Variants in CDC123 observed in about 807,000 individuals in gnomAD.
The protein encoded by CDC123 is translation initiation factor eIF2 assembly protein.
CDC123 carries 37 observed loss-of-function variants against 54.4 expected under a neutral mutation model. The ratio of observed to expected loss-of-function variants is 0.68; its 90% CI spans 0.52 to 0.89. CDC123 has a LOEUF of 0.89. Among genes scored for constraint, CDC123 ranks in the 40% least tolerant of loss-of-function variants. The probability of loss-of-function intolerance (pLI) is 0.00; values close to 1 mark genes in which losing one functional copy is unlikely to be tolerated. For missense variants in CDC123, 361 were observed against 412.1 expected (o/e 0.88, Z 1.07); for synonymous variants, 144 against 136.8 (o/e 1.05, Z -0.37).
intron 2 of CDC123, among the ~76,000 whole-genome samples, chr10:12,200,145 A>ATTTTTTTTG: frequency 1.6e-4 from 1 of 6,232 alleles, no homozygotes. Flanking sequence ...TTTTTTTTTA[A>ATTTTTTTTG]AGATGGAGTC....
At chr10:12,232,788 C>T (rs1037776438) in intron 7 of CDC123, among the ~76,000 whole-genome samples, 56 of 148,262 alleles carry the variant, frequency 3.8e-4, no homozygotes, top group Non-Finnish European at 6.9e-4. Context: ...CCTTACCTTT[C>T]TTTTTTTTTT....
intron 10 of CDC123, chr10:12,244,796 G>A (rs1414320756): frequency 1.3e-5 from 2 of 152,010 alleles, no homozygotes; most frequent in African/African-American, 2.4e-5. Context: ...GACATTTGAG[G>A]TTAGGAGTTC....
intron 2 of CDC123, among the ~76,000 whole-genome samples, chr10:12,201,625 A>G (rs565254780): frequency 6.6e-6 from 1 of 152,008 alleles, no homozygotes; most frequent in African/African-American, 2.4e-5. Context: ...CATGAGATTC[A>G]CAGTTGATGA....
intron 4 of CDC123, among the ~76,000 whole-genome samples, chr10:12,214,859 G>T (rs1835643628): frequency 6.6e-6 from 1 of 152,114 alleles, no homozygotes; most frequent in South Asian, 2.1e-4. Context: ...TTGCCCGATA[G>T]GGGGCAGCAA....
At chr10:12,229,754 G>T (rs973284786) in intron 6 of CDC123, among the ~76,000 whole-genome samples, 1 of 152,214 alleles carries the variant, frequency 6.6e-6, no homozygotes, top group African/African-American at 2.4e-5. Context: ...TTTAATAAGC[G>T]ATATGAAACA....
At chr10:12,226,443 G>A (rs887846260) in intron 6 of CDC123, among the ~76,000 whole-genome samples, 3 of 151,786 alleles carry the variant, frequency 2.0e-5, no homozygotes, top group African/African-American at 7.3e-5. Flanking sequence ...GGGTGGAGAC[G>A]CTCCTCACTT....
Position 12,217,358 on chromosome 10 carries a change from T to C in CDC123, c.334-3T>C. ...ACTAAATAGCATGTGCTTCATTCTT[T>C]AGGATGCGTATTGGATAGCAATGAA... On this transcript the variant is annotated splice_region_variant and splice_polypyrimidine_tract_variant and intron_variant, in intron 5 of 12. Coordinates refer to ENST00000281141, the MANE Select transcript of CDC123 (RefSeq NM_006023.3). 1.2e-6 allele frequency: 2 copies of C among 1,610,626 alleles called. No homozygotes were observed. The highest frequency in any genetic ancestry group is 8.5e-7 in the Non-Finnish European group (1 of 1,177,918).
At chr10:12,235,175 A>T in intron 8 of CDC123, 52 bp downstream of exon 8, 1 of 1,467,366 alleles carries the variant, frequency 6.8e-7, no homozygotes, top group Non-Finnish European at 9.5e-7. Context: ...TCTTTAAAAG[A>T]AAACAAGCTT....
chr10:12,218,187 A>C (rs1216137525), intron 6 of CDC123, among the ~76,000 whole-genome samples: 1 of 150,880 alleles, frequency 6.6e-6, no homozygotes, highest in East Asian at 2.0e-4. Flanking sequence ...AAATACATCT[A>C]TCTCTACCTA....
chr10:12,206,954 A>T (rs912123368), intron 2 of CDC123, among the ~76,000 whole-genome samples: 1 of 108,524 alleles, frequency 9.2e-6, no homozygotes, highest in South Asian at 3.1e-4. Flanking sequence ...GCGAGACTCC[A>T]TCTCAAAAAA....
In CDC123 at chr10:12,250,384, G is replaced by A. The variant is rs772675022; in HGVS notation, c.*47G>A. Reference sequence around the variant, plus strand: ...AGAGGAGGCCCCGCCCCACCGCTCCGGGAGCTGCTCATCAGCCGCAACTTC... The same window carrying A: ...AGAGGAGGCCCCGCCCCACCGCTCCAGGAGCTGCTCATCAGCCGCAACTTC... On this transcript the variant is annotated 3_prime_UTR_variant, in exon 13 of 13. Coordinates refer to ENST00000281141, the MANE Select transcript of CDC123 (RefSeq NM_006023.3). The A allele has an allele frequency of 3.0e-5, 44 of 1,488,676 alleles. No individual in the cohort carries two copies. Among genetic ancestry groups the A allele is most frequent in the East Asian group, 1.4e-4 (6 of 44,164 alleles). 92.2% of individuals were successfully genotyped at this position (1,488,676 alleles called of 1,614,324 possible).
chr10:12,250,357 GAAGA>G lies in CDC123; in HGVS notation c.*21_*24del. 1 of 1,592,346 alleles carries G rather than the reference GAAGA, an allele frequency of 6.3e-7. No individual in the cohort carries two copies. The highest frequency in any genetic ancestry group is 2.2e-5 in the East Asian group (1 of 44,658). On this transcript the variant is annotated 3_prime_UTR_variant, in exon 13 of 13. Coordinates refer to ENST00000281141, the MANE Select transcript of CDC123 (RefSeq NM_006023.3). ...GACTGATGAGCGTACTGGAACTGGA[GAAGA>G]GGAGGCCCCGCCCCACCGCTCCGGG...
chr10:12,245,995 A>T, intron 10 of CDC123, 154 bp from the exon 11 acceptor site: 1 of 692,010 alleles, frequency 1.4e-6, no homozygotes, highest in Non-Finnish European at 2.4e-6. Context: ...CTTTGAGCCC[A>T]GGAGGTCGAG....
intron 8 of CDC123, among the ~76,000 whole-genome samples, chr10:12,236,610 A>G (rs1465046180): frequency 1.3e-5 from 2 of 151,740 alleles, no homozygotes; most frequent in African/African-American, 2.4e-5. Flanking sequence ...AAAAAAAAAA[A>G]AAGGCCAGGT....
In CDC123 at chr10:12,214,441, A is replaced by G. The variant is rs180768327; in HGVS notation, c.238-1299A>G. ...AATAAAGGACTCAGTGCTGCTGTTCATTTTGAAAACCTCTCTAAATTACTC... is the reference window on the plus strand; with the variant it reads ...AATAAAGGACTCAGTGCTGCTGTTCGTTTTGAAAACCTCTCTAAATTACTC... On this transcript the variant is annotated intron_variant, in intron 4 of 12. Coordinates refer to ENST00000281141, the MANE Select transcript of CDC123 (RefSeq NM_006023.3). Among the ~76,000 whole-genome samples the G allele has an allele frequency of 5.3e-5, 8 of 152,324 alleles. No individual in the cohort carries two copies. The East Asian group carries it at 1.3e-3, about 26-fold the overall frequency.
intron 9 of CDC123, 42 bp downstream of exon 9, chr10:12,237,308 T>A: frequency 6.8e-7 from 1 of 1,471,998 alleles, no homozygotes; most frequent in Non-Finnish European, 9.0e-7. Context: ...AAATGAAATA[T>A]ACATTGTTAC....
intron 2 of CDC123, among the ~76,000 whole-genome samples, chr10:12,202,285 C>T (rs970903590): frequency 6.6e-6 from 1 of 152,136 alleles, no homozygotes; most frequent in Non-Finnish European, 1.5e-5. Context: ...AGTTCAGTTT[C>T]GTCAGTTCTA....
intron 6 of CDC123, among the ~76,000 whole-genome samples, chr10:12,225,586 A>G (rs1040757954): frequency 3.9e-5 from 6 of 152,130 alleles, no homozygotes; most frequent in Non-Finnish European, 7.3e-5. Context: ...CTGAATATAA[A>G]GACAGGGAAG....
intron 10 of CDC123, among the ~76,000 whole-genome samples, chr10:12,240,316 G>A (rs1375072998): frequency 2.0e-5 from 3 of 152,092 alleles, no homozygotes; most frequent in South Asian, 2.1e-4. Context: ...TAGCAGATGC[G>A]TTTTCCCGTG....
Sources: allele counts gnomAD v4.1 joint callset (sites outside exome capture counted in the v4.1 genomes callset), GRCh38; gene constraint gnomAD v4.1.1; transcripts MANE v1.5; gene names NCBI Gene and HGNC (gene_info 2026-07-23, HGNC 2026-07-21).